STK3: variants seen among roughly 807,000 people sequenced by gnomAD.
STK3 encodes the protein serine/threonine-protein kinase 3.
A neutral mutation model predicts 58.0 loss-of-function variants in STK3; 41 were observed. The ratio of observed to expected loss-of-function variants is 0.71; its 90% CI spans 0.55 to 0.92. STK3 has a LOEUF of 0.92. STK3 is among the 40% of genes least tolerant of loss of function. The pLI, the probability that STK3 is intolerant of heterozygous loss-of-function variation, is 0.00. For missense variants in STK3, 479 were observed against 602.7 expected, an observed-to-expected ratio of 0.79 and a Z score of 2.15; for synonymous variants, 170 against 191.0, an observed-to-expected ratio of 0.89 and a Z score of 0.91.
intron 6 of STK3, among the ~76,000 whole-genome samples, chr8:98,622,638 GAATTCCCTAC>G (rs1818417728): frequency 6.6e-6 from 1 of 152,186 alleles, no homozygotes; most frequent in South Asian, 2.1e-4. Context: ...ACTTGGCAGA[GAATTCCCTAC>G]AATTGCTACA....
rs760622434 is a variant in STK3, at chr8:98,830,969, CAAAAAAAAAAAA to C, written c.110+52666_110+52677del. Among the ~76,000 whole-genome samples the C allele has an allele frequency of 8.3e-5, 5 of 59,926 alleles. No homozygotes were observed. The South Asian group carries it at 2.0e-3, about 24-fold the overall frequency. The allele number at this position is 59,926 out of a possible 152,430, so 39.3% of individuals were successfully genotyped here. On this transcript the variant is annotated intron_variant, in intron 3 of 12. Coordinates refer to the STK3 transcript ENST00000523601. ...TGGGCGACAGAGCAAGACTCTGTCT[CAAAAAAAAAAAA>C]AAAAAAAAAAGGAAAGTAAGGTAAT...
intron 3 of STK3, among the ~76,000 whole-genome samples, chr8:98,835,147 AAGAG>A (rs1835700422): frequency 6.6e-6 from 1 of 152,310 alleles, no homozygotes; most frequent in Admixed American, 6.5e-5. Context: ...CTCTGGGCCT[AAGAG>A]AGTCATTTTG....
At chr8:98,587,204 G>A (rs1814707425) in intron 7 of STK3, among the ~76,000 whole-genome samples, 1 of 151,906 alleles carries the variant, frequency 6.6e-6, no homozygotes, top group Non-Finnish European at 1.5e-5. Context: ...TGTCAATTTT[G>A]GATCTTTCCT....
intron 1 of STK3, among the ~76,000 whole-genome samples, chr8:98,790,901 T>C (rs902532209): frequency 6.6e-6 from 1 of 152,006 alleles, no homozygotes. Flanking sequence ...GGAGAATCAC[T>C]TGAACCCCAG....
intron 4 of STK3, among the ~76,000 whole-genome samples, chr8:98,713,136 T>C (rs1356991802): frequency 6.6e-6 from 1 of 152,044 alleles, no homozygotes; most frequent in African/African-American, 2.4e-5. Context: ...TTCAAAGCAG[T>C]GTGTAGAGGG....
chr8:98,938,722 C>T (rs766718978), intron 1 of STK3, among the ~76,000 whole-genome samples: 9 of 152,090 alleles, frequency 5.9e-5, no homozygotes, highest in South Asian at 4.1e-4. Context: ...TCCCTCACCC[C>T]CAGTGTCATG....
intron 6 of STK3, among the ~76,000 whole-genome samples, chr8:98,617,996 C>T (rs1028741753): frequency 2.0e-5 from 3 of 152,044 alleles, no homozygotes; most frequent in Non-Finnish European, 2.9e-5. Context: ...CAAAGCCGGG[C>T]AGAGACACAA....
At chr8:98,894,204 G>A (rs1255642276) in intron 1 of STK3, among the ~76,000 whole-genome samples, 3 of 152,054 alleles carry the variant, frequency 2.0e-5, no homozygotes, top group Non-Finnish European at 2.9e-5. Flanking sequence ...TACTGATGAT[G>A]CCTAAATCTA....
chr8:98,917,413 T>C (rs1839383670), intron 1 of STK3, among the ~76,000 whole-genome samples: 1 of 152,170 alleles, frequency 6.6e-6, no homozygotes, highest in African/African-American at 2.4e-5. Context: ...TCATCTGTAA[T>C]GGATTGAACG....
chr8:98,421,042 A>G (rs1356549490), intron 3 of STK3, among the ~76,000 whole-genome samples: 2 of 152,170 alleles, frequency 1.3e-5, no homozygotes, highest in Non-Finnish European at 2.9e-5. Flanking sequence ...TTTCTCTGCC[A>G]TCTTCATCTT....
intron 3 of STK3, among the ~76,000 whole-genome samples, chr8:98,866,960 T>C (rs1366153777): frequency 6.6e-6 from 1 of 151,996 alleles, no homozygotes; most frequent in African/African-American, 2.4e-5. Context: ...AGAGGCTCAG[T>C]TGTGAACTGT....
chr8:98,420,158 T>C (rs538761416), intron 3 of STK3, among the ~76,000 whole-genome samples: 39 of 152,342 alleles, frequency 2.6e-4, no homozygotes, highest in African/African-American at 9.4e-4. Context: ...AAATGTTAAA[T>C]TGTGTGCTTT....
At chr8:98,561,357 T>C (rs1812023011) in intron 8 of STK3, among the ~76,000 whole-genome samples, 1 of 148,274 alleles carries the variant, frequency 6.7e-6, no homozygotes, top group Non-Finnish European at 1.5e-5. Flanking sequence ...AAAAATTAAC[T>C]CAAAATGCTT....
intron 3 of STK3, among the ~76,000 whole-genome samples, chr8:98,852,572 C>T (rs563460319): frequency 6.6e-6 from 1 of 152,354 alleles, no homozygotes; most frequent in East Asian, 1.9e-4. Context: ...TGACAATTCA[C>T]TCTTCTGATT....
intron 3 of STK3, among the ~76,000 whole-genome samples, chr8:98,844,869 C>T (rs1836141281): frequency 2.6e-5 from 4 of 152,242 alleles, no homozygotes; most frequent in Admixed American, 2.6e-4. Context: ...AATGCTACAG[C>T]TTCAGTCACT....
intron 6 of STK3, among the ~76,000 whole-genome samples, chr8:98,653,747 T>C (rs1411300930): frequency 2.0e-5 from 3 of 152,166 alleles, no homozygotes; most frequent in African/African-American, 7.2e-5. Context: ...AATGGATAAA[T>C]TCCTCGACAC....
At chr8:98,487,838 T>C (rs1362350078) in intron 10 of STK3, among the ~76,000 whole-genome samples, 1 of 152,198 alleles carries the variant, frequency 6.6e-6, no homozygotes, top group Non-Finnish European at 1.5e-5. Flanking sequence ...TGGGCCTGGA[T>C]GTGAATCTCA....
intron 3 of STK3, among the ~76,000 whole-genome samples, chr8:98,763,805 T>C (rs1278835283): frequency 6.6e-6 from 1 of 152,142 alleles, no homozygotes; most frequent in Non-Finnish European, 1.5e-5. Flanking sequence ...CCCAAGTAGT[T>C]AGAATTACAG....
intron 9 of STK3, among the ~76,000 whole-genome samples, chr8:98,530,515 T>A (rs1185564799): frequency 1.3e-5 from 2 of 152,170 alleles, no homozygotes; most frequent in Non-Finnish European, 2.9e-5. Context: ...AGGCAACAGA[T>A]AAATAGCTAA....
Sources: allele counts gnomAD v4.1 joint callset (sites outside exome capture counted in the v4.1 genomes callset), GRCh38; gene constraint gnomAD v4.1.1; transcripts MANE v1.5; gene names NCBI Gene and HGNC (gene_info 2026-07-23, HGNC 2026-07-21).